The following UBE3D variants were observed in gnomAD, a reference collection of about 807,000 sequenced individuals.
The protein encoded by UBE3D is E3 ubiquitin-protein ligase E3D.
Under a neutral mutation model 49.6 loss-of-function variants are expected in UBE3D, and 48 were observed. The ratio of observed to expected loss-of-function variants is 0.97; its 90% CI spans 0.77 to 1.23. UBE3D has a LOEUF of 1.23. Ranked by LOEUF, UBE3D falls within the 50% of genes most tolerant of loss-of-function variation. The pLI, the probability that UBE3D is intolerant of heterozygous loss-of-function variation, is 0.00. For synonymous variants in UBE3D, 189 were observed against 174.2 expected, an observed-to-expected ratio of 1.08 and a Z score of -0.67; for missense variants, 452 against 468.4, an observed-to-expected ratio of 0.96 and a Z score of 0.32.
At chr6:82,993,130 GAGAGAGAGAGAC>G (rs1779010107) in intron 8 of UBE3D, among the ~76,000 whole-genome samples, 2 of 151,992 alleles carry the variant, frequency 1.3e-5, no homozygotes, top group African/African-American at 4.8e-5. Context: ...GGGAGAGAGA[GAGAGAGAGAGAC>G]AGAGAGAGAG....
chr6:83,030,595 G>C (rs1406587914), intron 5 of UBE3D, among the ~76,000 whole-genome samples: 1 of 152,158 alleles, frequency 6.6e-6, no homozygotes, highest in Non-Finnish European at 1.5e-5. Context: ...GACTAATACA[G>C]TAAATTGGTA....
rs117298582 is a variant in UBE3D at position 82,961,190 on chromosome 6, C to T, written c.1011-3740G>A. Among the ~76,000 whole-genome samples the T allele has an allele frequency of 7.6e-3, 1,161 of 152,182 alleles. 6 individuals are homozygous for T. Among genetic ancestry groups the T allele is most frequent in the Non-Finnish European group, 0.011 (763 of 68,018 alleles). The stretch of plus-strand genomic sequence containing the variant: ...TCCTCTTTGGGCAGTAATATATTTG[C>T]AAGAGAAAGGGAAAATGGTAAATTA... On this transcript the variant is annotated intron_variant, in intron 8 of 9. Coordinates refer to ENST00000369747, the MANE Select transcript of UBE3D (RefSeq NM_198920.3).
intron 9 of UBE3D, among the ~76,000 whole-genome samples, chr6:82,907,463 C>G (rs1772183385): frequency 6.6e-6 from 1 of 152,046 alleles, no homozygotes; most frequent in Non-Finnish European, 1.5e-5. Flanking sequence ...GTTTCTCAGT[C>G]CCTGAGTTTC....
intron 4 of UBE3D, among the ~76,000 whole-genome samples, chr6:83,039,882 C>T (rs1449009458): frequency 6.6e-6 from 1 of 152,044 alleles, no homozygotes; most frequent in Non-Finnish European, 1.5e-5. Context: ...CCTCGTGATC[C>T]ACCCACCTTG....
At chr6:82,947,335 T>C (rs1457735169) in intron 9 of UBE3D, among the ~76,000 whole-genome samples, 1 of 151,814 alleles carries the variant, frequency 6.6e-6, no homozygotes, top group Non-Finnish European at 1.5e-5. Context: ...TGAACTCCAA[T>C]AAAATAATAA....
At chr6:82,887,481 G>T (rs886602779), downstream of UBE3D, among the ~76,000 whole-genome samples, 2 of 147,744 alleles carry the variant, frequency 1.4e-5, no homozygotes, top group Non-Finnish European at 3.0e-5. Context: ...GGCCGAGGCA[G>T]GCAGATCACT....
chr6:82,968,285 C>T (rs1425938044), intron 8 of UBE3D, among the ~76,000 whole-genome samples: 2 of 151,654 alleles, frequency 1.3e-5, no homozygotes, highest in African/African-American at 2.4e-5. Flanking sequence ...TGCATTCTCC[C>T]CCTTTTAACC....
chr6:82,887,859 A>G (rs1443053436), downstream of UBE3D, among the ~76,000 whole-genome samples: 2 of 152,208 alleles, frequency 1.3e-5, no homozygotes, highest in Admixed American at 6.5e-5. Flanking sequence ...AAGGGGTCAC[A>G]CAGTGATCAA....
chr6:83,040,564 G>A (rs1454820660), intron 4 of UBE3D, among the ~76,000 whole-genome samples: 1 of 152,148 alleles, frequency 6.6e-6, no homozygotes, highest in African/African-American at 2.4e-5. Flanking sequence ...AAACTTCTGA[G>A]ATGAATCCCT....
chr6:83,062,062 C>T (rs932647756), intron 1 of UBE3D, among the ~76,000 whole-genome samples: 9 of 152,116 alleles, frequency 5.9e-5, no homozygotes, highest in African/African-American at 2.2e-4. Flanking sequence ...TTTTTCTCCA[C>T]TTCTATCAAA....
chr6:82,929,895 C>T (rs778608649), intron 9 of UBE3D, among the ~76,000 whole-genome samples: 3 of 152,134 alleles, frequency 2.0e-5, no homozygotes, highest in Non-Finnish European at 4.4e-5. Flanking sequence ...CTGACACATC[C>T]TTATCACCCA....
chr6:82,926,776 G>A (rs1773782821), intron 9 of UBE3D, among the ~76,000 whole-genome samples: 1 of 151,956 alleles, frequency 6.6e-6, no homozygotes, highest in South Asian at 2.1e-4. Flanking sequence ...TTTAAAATCA[G>A]GTTGTTTTCT....
intron 8 of UBE3D, chr6:83,018,755 AC>A: frequency 3.7e-6 from 2 of 534,128 alleles, no homozygotes; most frequent in East Asian, 3.6e-5. Flanking sequence ...CAAGAAAAAA[AC>A]AATAATTTTT....
At chr6:82,894,318 AG>A (rs1275292585) in intron 9 of UBE3D, among the ~76,000 whole-genome samples, 1 of 152,098 alleles carries the variant, frequency 6.6e-6, no homozygotes, top group Admixed American at 6.5e-5. Context: ...GCCCAACTGA[AG>A]GAACATTGCT....
chr6:83,019,324 TAAAA>T (rs74721575), intron 7 of UBE3D, among the ~76,000 whole-genome samples, 188 bp from the exon 8 acceptor site: 1 of 130,154 alleles, frequency 7.7e-6, no homozygotes, highest in African/African-American at 2.8e-5. Flanking sequence ...GACATAAAGT[TAAAA>T]AAAAAAAAAG....
intron 8 of UBE3D, among the ~76,000 whole-genome samples, chr6:83,003,209 AT>A (rs1390988070): frequency 1.3e-5 from 2 of 152,122 alleles, no homozygotes; most frequent in African/African-American, 4.8e-5. Flanking sequence ...AGAAGAAACA[AT>A]TTTATTTACA....
chr6:82,979,836 C>T lies in UBE3D; in HGVS notation c.1011-22386G>A, dbSNP rs143263988. On this transcript the variant is annotated intron_variant, in intron 8 of 9. Transcript: ENST00000369747. ...TTTAGCTCCCACTTGTAAGTAAGAACATGCAGTATATGACTTCCTGTTTCT... is the reference window on the plus strand; with the variant it reads ...TTTAGCTCCCACTTGTAAGTAAGAATATGCAGTATATGACTTCCTGTTTCT... 1.6e-3 allele frequency among the ~76,000 whole-genome samples: 248 copies of T among 152,232 alleles called. 2 individuals are homozygous for T. Among genetic ancestry groups the T allele is most frequent in the African/African-American group, 4.9e-3 (205 of 41,542 alleles).
At chr6:83,028,056 G>A (rs1321071211) in intron 5 of UBE3D, among the ~76,000 whole-genome samples, 1 of 151,936 alleles carries the variant, frequency 6.6e-6, no homozygotes, top group African/African-American at 2.4e-5. Context: ...CACTGGCTGA[G>A]TTTTTAATAT....
rs772529103 is a variant in UBE3D, at chr6:83,065,746, A to G, written c.-28T>C. ...CAGGCTTCCAGTCCCAGACCGGACC[A>G]AGCTGGAGGTTCCGAGGGGCCCGGG... is the stretch of plus-strand genomic sequence containing the variant. On this transcript the variant is annotated 5_prime_UTR_variant, in exon 1 of 10. Coordinates refer to ENST00000369747, the MANE Select transcript of UBE3D (RefSeq NM_198920.3). The G allele has an allele frequency of 1.3e-6, 2 of 1,598,494 alleles. No homozygotes were observed. Among genetic ancestry groups the G allele is most frequent in the South Asian group, 1.1e-5 (1 of 88,908 alleles).
Sources: gnomAD v4.1 joint callset for allele counts (sites outside exome capture counted in the v4.1 genomes callset) on GRCh38, gnomAD v4.1.1 for gene constraint, MANE v1.5 for transcripts, NCBI Gene and HGNC (gene_info 2026-07-23, HGNC 2026-07-21) for gene names.